The following SLC40A1 variants were observed in gnomAD, a reference collection of about 807,000 sequenced individuals.
SLC40A1 encodes ferroportin.
A neutral mutation model predicts 53.5 loss-of-function variants in SLC40A1; 16 were observed. That is an observed-to-expected ratio of 0.30 (90% CI 0.20 to 0.45). The LOEUF is 0.45. SLC40A1 is among the 20% of genes least tolerant of loss of function. SLC40A1 has a pLI of 1.00. For missense variants in SLC40A1, 545 were observed against 695.4 expected, an observed-to-expected ratio of 0.78 and a Z score of 2.43; for synonymous variants, 247 against 253.2, an observed-to-expected ratio of 0.98 and a Z score of 0.23.
intron 7 of SLC40A1, among the ~76,000 whole-genome samples, chr2:189,563,269 T>A: frequency 7.1e-6 from 1 of 141,598 alleles, no homozygotes. Context: ...AGCAAGACCC[T>A]GATCTCAAAA....
intron 7 of SLC40A1, among the ~76,000 whole-genome samples, chr2:189,562,922 T>C (rs1350121418): frequency 6.6e-6 from 1 of 152,140 alleles, no homozygotes; most frequent in Non-Finnish European, 1.5e-5. Context: ...CTTTTTAGTG[T>C]TGTCCTATGG....
At chr2:189,562,926 C>T (rs2030800549) in intron 7 of SLC40A1, among the ~76,000 whole-genome samples, 1 of 151,702 alleles carries the variant, frequency 6.6e-6, no homozygotes, top group Non-Finnish European at 1.5e-5. Flanking sequence ...TTAGTGTTGT[C>T]CTATGGGAAT....
intron 5 of SLC40A1, among the ~76,000 whole-genome samples, chr2:189,568,421 G>A (rs535644218): frequency 6.6e-6 from 1 of 152,202 alleles, no homozygotes; most frequent in East Asian, 1.9e-4. Context: ...CCCAGGAGGC[G>A]GAGCTTGCAG....
chr2:189,571,216 A>C (rs1427318386), intron 5 of SLC40A1, among the ~76,000 whole-genome samples: 2 of 152,204 alleles, frequency 1.3e-5, no homozygotes, highest in African/African-American at 2.4e-5. Context: ...AACAGCAATT[A>C]TATTACATTG....
At chr2:189,578,437 G>T in intron 2 of SLC40A1, 1 of 917,822 alleles carries the variant, frequency 1.1e-6, no homozygotes, top group Non-Finnish European at 1.3e-6. Context: ...AACAACCACG[G>T]TGCCACTGGT....
intron 5 of SLC40A1, among the ~76,000 whole-genome samples, chr2:189,568,808 A>C (rs1278481578): frequency 6.6e-6 from 1 of 152,224 alleles, no homozygotes; most frequent in East Asian, 1.9e-4. Flanking sequence ...TATCTGCCAT[A>C]CTTGATCAAG....
chr2:189,571,850 T>C lies in SLC40A1; in HGVS notation c.388-9A>G, dbSNP rs748986615. The C allele has an allele frequency of 1.9e-6, 3 of 1,586,772 alleles. No individual in the cohort carries two copies. The highest frequency in any genetic ancestry group is 2.6e-6 in the Non-Finnish European group (3 of 1,155,418). ...AGGATATAGCAGGAAGTCTAAAGAA[T>C]GACAAGAAAAAAATGAGTTATAATG... On this transcript the variant is annotated splice_polypyrimidine_tract_variant and intron_variant, in intron 4 of 7. Coordinates refer to ENST00000261024, the MANE Select transcript of SLC40A1 (RefSeq NM_014585.6).
intron 2 of SLC40A1, chr2:189,578,194 GA>G (rs1197980203): frequency 4.1e-6 from 4 of 984,880 alleles, no homozygotes; most frequent in African/African-American, 1.7e-5. Flanking sequence ...CCACACAAGA[GA>G]AAAAACATAA....
At chr2:189,568,949 A>G (rs1048675729) in intron 5 of SLC40A1, among the ~76,000 whole-genome samples, 1 of 152,260 alleles carries the variant, frequency 6.6e-6, no homozygotes, top group Non-Finnish European at 1.5e-5. Context: ...GGGAAAAGGA[A>G]GTAAGATTCA....
In SLC40A1 at chr2:189,563,679, G is replaced by A. The variant is rs1056150218; in HGVS notation, c.1307C>T (p.Ser436Phe). The A allele has an allele frequency of 1.2e-6, 2 of 1,613,956 alleles. No individual in the cohort carries two copies. Among genetic ancestry groups the A allele is most frequent in the African/African-American group, 2.7e-5 (2 of 74,918 alleles). Residue 436 changes from serine to phenylalanine, a missense_variant, in exon 7 of 8, where the codon TCT (serine) becomes TTT (phenylalanine). Physicochemically the swap from Ser to Phe is radical, Grantham distance 155 (BLOSUM62 -2). Transcript: ENST00000261024. ...CTCCGGGACAATATTAGCAGAATTAGACCCATTAGACATGTATATTTCAGT... is the reference window on the plus strand; with the variant it reads ...CTCCGGGACAATATTAGCAGAATTAAACCCATTAGACATGTATATTTCAGT... ...ITTEIYMSNGSNSANIVPETS... is the reference protein window; with the variant it reads ...ITTEIYMSNGFNSANIVPETS...
Position 189,564,139 on chromosome 2 carries a change from T to C in SLC40A1, c.847A>G (p.Thr283Ala), listed in dbSNP as rs1431125943. The change falls in exon 7 of 8, where the codon ACT becomes GCT. Residue 283 changes from threonine (T) to alanine (A), a missense_variant. Transcript: ENST00000261024. ...GGCTCAGCCATCTGGGAGGCACAAG[T>C]AGGCTCTTGCTCATGTTCAAGCTCA... ...IHELEHEQEP[T>A]CASQMAEPFR... 4 of 1,612,282 alleles carry C rather than the reference T, an allele frequency of 2.5e-6. No homozygotes were observed. Among genetic ancestry groups the C allele is most frequent in the Non-Finnish European group, 3.4e-6 (4 of 1,179,376 alleles).
intron 5 of SLC40A1, among the ~76,000 whole-genome samples, chr2:189,567,582 A>T (rs1559011767): frequency 6.6e-6 from 1 of 152,244 alleles, no homozygotes. Flanking sequence ...CACAGAACAG[A>T]GTGAAAATTA....
chr2:189,565,349 T>C lies in SLC40A1; in HGVS notation c.760+5A>G. On this transcript the variant is annotated splice_donor_5th_base_variant and intron_variant, in intron 6 of 7. Transcript: ENST00000261024. ...CAAAAGGAGAGATCATTGTGTTCAG[T>C]TTACCTTTGTGTAAATTCAGCTGTT... 1 of 1,614,176 alleles carries C rather than the reference T, an allele frequency of 6.2e-7. No homozygotes were observed. Among genetic ancestry groups the C allele is most frequent in the Non-Finnish European group, 8.5e-7 (1 of 1,180,002 alleles).
intron 5 of SLC40A1, among the ~76,000 whole-genome samples, chr2:189,567,383 A>G (rs1574240047): frequency 6.6e-6 from 1 of 152,212 alleles, no homozygotes; most frequent in East Asian, 1.9e-4. Flanking sequence ...AATGTCCAAC[A>G]CAAAGAAATG....
In SLC40A1 at chr2:189,564,210, G is replaced by A. The variant is rs560312863; in HGVS notation, c.776C>T (p.Pro259Leu). 6.2e-7 allele frequency: 1 copy of A among 1,614,012 alleles called. No individual in the cohort carries two copies. The highest frequency in any genetic ancestry group is 1.1e-5 in the South Asian group (1 of 91,066). Residue 259 changes from proline to leucine, a missense_variant, in exon 7 of 8, where the codon CCC becomes CTC. Pro to Leu is a moderately conservative substitution (Grantham distance 98). Coordinates refer to ENST00000261024, the MANE Select transcript of SLC40A1 (RefSeq NM_014585.6). ...LNLHKDTEPK[P>L]LEGTHLMGVK... Reference sequence around the variant, plus strand: ...ACCCATTAGATGAGTTCCCTCCAGGGGTTTTGGCTCAGTATCTGTTAAGAA... The same window carrying A: ...ACCCATTAGATGAGTTCCCTCCAGGAGTTTTGGCTCAGTATCTGTTAAGAA...
chr2:189,580,496 C>T lies in SLC40A1; in HGVS notation c.-36G>A, dbSNP rs763308845. The T allele has an allele frequency of 4.5e-5, 73 of 1,612,476 alleles. No homozygotes were observed. The highest frequency in any genetic ancestry group is 6.1e-5 in the Non-Finnish European group (72 of 1,179,998). ...GACCCCGCTGGCTCTTCTGCGGCTG[C>T]TATCGCTGCTGCTGCTCTCGCTGAG... On this transcript the variant is annotated 5_prime_UTR_variant, in exon 1 of 8. Transcript: ENST00000261024.
rs201137241 is a variant in SLC40A1 at position 189,560,715 on chromosome 2, A to C, written c.*1163T>G. 6.5e-6 allele frequency: 1 copy of C among 152,682 alleles called. No individual in the cohort carries two copies. The allele number at this position is 152,682 out of a possible 1,614,324, so 9.5% of individuals were successfully genotyped here. ...AACTCCAAGGATAAAGAAAGTGCTC[A>C]TAGCAACGTATTGCAGTCTCCATGA... is the stretch of plus-strand genomic sequence containing the variant. On this transcript the variant is annotated 3_prime_UTR_variant, in exon 8 of 8. Coordinates refer to ENST00000261024, the MANE Select transcript of SLC40A1 (RefSeq NM_014585.6).
chr2:189,568,767 T>C (rs2031030760), intron 5 of SLC40A1, among the ~76,000 whole-genome samples: 1 of 152,234 alleles, frequency 6.6e-6, no homozygotes, highest in Admixed American at 6.5e-5. Context: ...ATGAAATCGA[T>C]TTTTAATCAA....
At chr2:189,563,402 A>C (rs1178982380) in intron 7 of SLC40A1, among the ~76,000 whole-genome samples, 182 bp downstream of exon 7, 2 of 152,146 alleles carry the variant, frequency 1.3e-5, no homozygotes, top group Non-Finnish European at 2.9e-5. Flanking sequence ...AGGTTTTCAA[A>C]CTATAAAATA....
Sources: gnomAD v4.1 joint callset for allele counts (sites outside exome capture counted in the v4.1 genomes callset) on GRCh38, gnomAD v4.1.1 for gene constraint, MANE v1.5 for transcripts, NCBI Gene and HGNC (gene_info 2026-07-23, HGNC 2026-07-21) for gene names.